The following DPP10 variants were observed in gnomAD, a reference collection of about 807,000 sequenced individuals.
DPP10 encodes dipeptidyl peptidase like 10, also known as inactive dipeptidyl peptidase 10.
DPP10 carries 33 observed loss-of-function variants against 120.9 expected under a neutral mutation model. That is an observed-to-expected ratio of 0.27 (90% CI 0.21 to 0.37). The LOEUF (loss-of-function observed/expected upper bound fraction) is 0.37. Ranked by LOEUF, DPP10 falls within the 10% of genes least tolerant of loss-of-function variation. The pLI, the probability that DPP10 is intolerant of heterozygous loss-of-function variation, is 1.00. For missense variants in DPP10, 816 were observed against 942.8 expected, an observed-to-expected ratio of 0.87 and a Z score of 1.76; for synonymous variants, 337 against 326.1, an observed-to-expected ratio of 1.03 and a Z score of -0.36.
At chr2:115,195,156 T>A (rs921407374) in intron 1 of DPP10, among the ~76,000 whole-genome samples, 1 of 152,196 alleles carries the variant, frequency 6.6e-6, no homozygotes, top group Non-Finnish European at 1.5e-5. Flanking sequence ...TATTTTCTAC[T>A]CCTGAGACAT....
intron 1 of DPP10, among the ~76,000 whole-genome samples, chr2:115,270,906 C>T (rs1031471149): frequency 2.0e-5 from 3 of 151,676 alleles, no homozygotes; most frequent in African/African-American, 7.3e-5. Context: ...TTAAGTTTAT[C>T]TTCATTAAAA....
chr2:115,723,972 C>G (rs1477471172), intron 7 of DPP10, among the ~76,000 whole-genome samples: 2 of 152,132 alleles, frequency 1.3e-5, no homozygotes, highest in Admixed American at 6.5e-5. Context: ...GAAAATTACT[C>G]AAATCAGTGA....
At chr2:115,263,678 A>C (rs1261877792) in intron 1 of DPP10, among the ~76,000 whole-genome samples, 3 of 152,210 alleles carry the variant, frequency 2.0e-5, no homozygotes, top group Middle Eastern at 3.2e-3. Context: ...CTCCATAAAC[A>C]TTCTACTCTT....
chr2:115,674,834 C>T (rs1361996826), intron 5 of DPP10, among the ~76,000 whole-genome samples: 2 of 152,122 alleles, frequency 1.3e-5, no homozygotes, highest in African/African-American at 4.8e-5. Flanking sequence ...AAGAAAACAA[C>T]TTTCTTCCGA....
intron 1 of DPP10, among the ~76,000 whole-genome samples, chr2:114,994,885 C>T (rs1382843590): frequency 6.6e-6 from 1 of 152,188 alleles, no homozygotes; most frequent in Non-Finnish European, 1.5e-5. Flanking sequence ...TAATATTGCA[C>T]TTGCCATACT....
At chr2:114,583,768 C>T (rs1690727382) in intron 1 of DPP10, among the ~76,000 whole-genome samples, 1 of 152,146 alleles carries the variant, frequency 6.6e-6, no homozygotes, top group Admixed American at 6.5e-5. Context: ...ATCTGCAAAG[C>T]TGAATAAAGT....
At chr2:114,795,327 T>A (rs1167775758) in intron 1 of DPP10, among the ~76,000 whole-genome samples, 1 of 147,540 alleles carries the variant, frequency 6.8e-6, no homozygotes, top group Non-Finnish European at 1.5e-5. Context: ...TACTAAAAAT[T>A]AAAAAAAAAA....
At chr2:114,460,095 G>A (rs147160374) in intron 1 of DPP10, among the ~76,000 whole-genome samples, 80 of 152,162 alleles carry the variant, frequency 5.3e-4, no homozygotes, top group African/African-American at 1.8e-3. Context: ...ATGATAATGG[G>A]GCTGGATATG....
intron 1 of DPP10, among the ~76,000 whole-genome samples, chr2:114,518,254 T>G (rs917386422): frequency 6.6e-6 from 1 of 151,914 alleles, no homozygotes; most frequent in Middle Eastern, 3.2e-3. Context: ...ATTTTTGTGT[T>G]TTTAGTAGAG....
intron 1 of DPP10, among the ~76,000 whole-genome samples, chr2:115,263,791 A>T (rs1339607718): frequency 6.6e-6 from 1 of 152,194 alleles, no homozygotes; most frequent in South Asian, 2.1e-4. Context: ...TGCCTTCCTT[A>T]TATACATGTT....
chr2:115,667,281 A>G (rs574396068), intron 5 of DPP10, among the ~76,000 whole-genome samples: 8 of 152,146 alleles, frequency 5.3e-5, no homozygotes, highest in Non-Finnish European at 1.0e-4. Context: ...AATTATAAAT[A>G]CTTTCTCCAG....
chr2:115,043,430 T>G (rs779158186), intron 1 of DPP10, among the ~76,000 whole-genome samples: 8 of 152,188 alleles, frequency 5.3e-5, no homozygotes, highest in Non-Finnish European at 1.0e-4. Context: ...ATCACAAAAT[T>G]TAGGCATGCA....
chr2:114,973,530 C>T (rs573830539), intron 1 of DPP10, among the ~76,000 whole-genome samples: 2 of 151,404 alleles, frequency 1.3e-5, no homozygotes, highest in Non-Finnish European at 2.9e-5. Context: ...GGCGTGGTGG[C>T]GGGTGCCTGT....
chr2:115,518,935 T>C (rs1272164394), intron 4 of DPP10, among the ~76,000 whole-genome samples: 3 of 152,146 alleles, frequency 2.0e-5, no homozygotes, highest in South Asian at 2.1e-4. Flanking sequence ...ATACTTGATA[T>C]AGGATGATTA....
chr2:115,172,379 G>T (rs1259633150), intron 1 of DPP10, among the ~76,000 whole-genome samples: 1 of 145,374 alleles, frequency 6.9e-6, no homozygotes, highest in African/African-American at 2.6e-5. Context: ...GTGAGAATCC[G>T]TCTCAAAAAA....
rs1203398063 is a variant in DPP10 at position 114,636,310 on chromosome 2, C to A, written c.60+193472C>A. Among the ~76,000 whole-genome samples, 7 of 151,894 alleles carry A rather than the reference C, an allele frequency of 4.6e-5. No homozygotes were observed. In the East Asian group the frequency reaches 1.3e-3, roughly 29 times the overall value. On this transcript the variant is annotated intron_variant, in intron 1 of 25. Transcript: ENST00000410059. ...ACAAGTAGTTGATATGTAAATAAAC[C>A]TAATAATTTTTATAGCTTCAACAAG...
At chr2:115,664,970 T>C (rs1168157110) in intron 5 of DPP10, among the ~76,000 whole-genome samples, 1 of 152,212 alleles carries the variant, frequency 6.6e-6, no homozygotes, top group Non-Finnish European at 1.5e-5. Flanking sequence ...CGCCTATGGC[T>C]ATGGCTACGA....
At chr2:115,336,851 CGTT>C (rs2063170715) in intron 2 of DPP10, among the ~76,000 whole-genome samples, 1 of 151,842 alleles carries the variant, frequency 6.6e-6, no homozygotes, top group African/African-American at 2.4e-5. Context: ...GCCACCTTCT[CGTT>C]GTTCAGTGTG....
intron 1 of DPP10, among the ~76,000 whole-genome samples, chr2:114,894,710 C>T (rs576857311): frequency 2.6e-5 from 4 of 152,050 alleles, no homozygotes; most frequent in Non-Finnish European, 4.4e-5. Context: ...GCAAAACCTA[C>T]TTAATAAATG....
Sources: allele counts gnomAD v4.1 joint callset (sites outside exome capture counted in the v4.1 genomes callset), GRCh38; gene constraint gnomAD v4.1.1; transcripts MANE v1.5; gene names NCBI Gene and HGNC (gene_info 2026-07-23, HGNC 2026-07-21).